Variants in PRR19 observed in about 807,000 individuals in gnomAD.
PRR19 encodes proline rich 19, also known as proline-rich protein 19.
A neutral mutation model predicts 19.2 loss-of-function variants in PRR19; 9 were observed. The observed-to-expected ratio is 0.47, with a 90% confidence interval of 0.28 to 0.82. PRR19 has a LOEUF of 0.82. PRR19 is among the 40% of genes least tolerant of loss of function. The pLI, the probability that PRR19 is intolerant of heterozygous loss-of-function variation, is 0.11. For synonymous variants in PRR19, 190 were observed against 191.0 expected (o/e 0.99, Z 0.04); for missense variants, 457 against 466.0 (o/e 0.98, Z 0.18).
chr19:42,307,826 C>T (rs1361116044), intron 1 of PRR19, among the ~76,000 whole-genome samples: 2 of 141,006 alleles, frequency 1.4e-5, no homozygotes, highest in East Asian at 2.1e-4. Context: ...GGCGCGATCT[C>T]GGCCCACTGC....
intron 1 of PRR19, 158 bp downstream of exon 1, chr19:42,302,661 G>T: frequency 3.2e-6 from 1 of 309,818 alleles, no homozygotes; most frequent in Non-Finnish European, 6.1e-6. Flanking sequence ...GGGGAGGAGG[G>T]AGAAACCACC....
chr19:42,304,130 A>G (rs546374406), intron 1 of PRR19, among the ~76,000 whole-genome samples: 24 of 150,292 alleles, frequency 1.6e-4, no homozygotes, highest in Non-Finnish European at 2.8e-4. Flanking sequence ...AAAAAAAAAA[A>G]TTAGCTAGGC....
rs367760376 is a variant in PRR19, at chr19:42,310,689, A to C, written c.1020A>C (p.Val340=). 3.8e-6 allele frequency: 6 copies of C among 1,595,312 alleles called. No homozygotes were observed. The East Asian group carries it at 1.1e-4, about 30-fold the overall frequency. ...PSPLPSLSWV[V]AQSSPEAWSF... is the part of the protein sequence containing the mutation. Reference sequence around the variant, plus strand: ...CACTGCCCAGCCTCTCCTGGGTAGTAGCCCAGAGCAGTCCGGAAGCCTGGT... The same window carrying C: ...CACTGCCCAGCCTCTCCTGGGTAGTCGCCCAGAGCAGTCCGGAAGCCTGGT... Residue 340 remains valine, a synonymous_variant, in exon 3 of 3, where the codon GTA becomes GTC. Transcript: ENST00000341747.
At chr19:42,304,556 C>G (rs539129832) in intron 1 of PRR19, among the ~76,000 whole-genome samples, 1 of 151,078 alleles carries the variant, frequency 6.6e-6, no homozygotes, top group African/African-American at 2.4e-5. Flanking sequence ...CGAGACCATC[C>G]TGGCTAACAC....
In PRR19 at chr19:42,302,413, A is replaced by C; in HGVS notation, c.-97A>C. On this transcript the variant is annotated 5_prime_UTR_variant, in exon 1 of 3. Coordinates refer to ENST00000341747, the MANE Select transcript of PRR19 (RefSeq NM_199285.3). ...CCACTCCTACCCCTCGCGGCAACAA[A>C]GGACCGTCCCAACGCTAGCACACCC... 5.6e-6 allele frequency: 6 copies of C among 1,064,680 alleles called. No individual in the cohort carries two copies. The highest frequency in any genetic ancestry group is 8.1e-6 in the Non-Finnish European group (6 of 742,602). The allele number at this position is 1,064,680 out of a possible 1,614,324, so 66.0% of individuals were successfully genotyped here.
In PRR19 at chr19:42,310,442, C is replaced by T. The variant is rs748662554; in HGVS notation, c.773C>T (p.Pro258Leu). Residue 258 changes from proline (P) to leucine (L), a missense_variant, in exon 3 of 3, where the codon CCA becomes CTA. Physicochemically the swap from Pro to Leu is moderately conservative, Grantham distance 98 (BLOSUM62 -3). Transcript: ENST00000341747. ...GCGCACAGGGGGAGTCTGGCACCGC[C>T]AAGAGGTCCCTGGCCACCATACTTT... Reference protein sequence around the residue: ...PTAHRGSLAPPRGPWPPYFPS... With the variant: ...PTAHRGSLAPLRGPWPPYFPS... 1 of 1,614,196 alleles carries T rather than the reference C, an allele frequency of 6.2e-7. No individual in the cohort carries two copies. Among genetic ancestry groups the T allele is most frequent in the Non-Finnish European group, 8.5e-7 (1 of 1,180,020 alleles).
At position 42,310,339 on chromosome 19, in the gene PRR19, G is replaced by A. The variant is rs1361860458; in HGVS notation, c.670G>A (p.Glu224Lys). Residue 224 changes from glutamate (E) to lysine (K), a missense_variant, in exon 3 of 3, where the codon GAG (glutamate) becomes AAG (lysine). By Grantham distance (56) the Glu-to-Lys change is moderately conservative. Transcript: ENST00000341747. ...FWINSPDQVP[E>K]QERQRKQQGT... Reference sequence around the variant, plus strand: ...GATTAATAGCCCTGATCAAGTCCCAGAGCAGGAGAGGCAAAGGAAGCAACA... The same window carrying A: ...GATTAATAGCCCTGATCAAGTCCCAAAGCAGGAGAGGCAAAGGAAGCAACA... The A allele has an allele frequency of 6.2e-7, 1 of 1,614,180 alleles. No individual in the cohort carries two copies. Among genetic ancestry groups the A allele is most frequent in the Admixed American group, 1.7e-5 (1 of 60,028 alleles).
intron 1 of PRR19, among the ~76,000 whole-genome samples, chr19:42,303,912 C>G (rs1182924796): frequency 6.6e-6 from 1 of 151,886 alleles, no homozygotes; most frequent in African/African-American, 2.4e-5. Flanking sequence ...GAAGAATGGG[C>G]AAGCAGAAAG....
chr19:42,302,917 T>A (rs2038662788), intron 1 of PRR19: 1 of 149,956 alleles, frequency 6.7e-6, no homozygotes, highest in Non-Finnish European at 1.5e-5. Context: ...GGGGGGACGC[T>A]CCTATTTTCT....
chr19:42,308,351 C>G (rs1486480429), intron 1 of PRR19, among the ~76,000 whole-genome samples: 2 of 151,204 alleles, frequency 1.3e-5, no homozygotes, highest in Non-Finnish European at 2.9e-5. Flanking sequence ...CTCAGCTTCC[C>G]TAGCAGCTGG....
chr19:42,307,520 C>A (rs1041355081), intron 1 of PRR19, among the ~76,000 whole-genome samples: 3 of 151,652 alleles, frequency 2.0e-5, no homozygotes, highest in African/African-American at 4.9e-5. Context: ...ACTGCAACCT[C>A]CGCCTCCCGA....
In PRR19 at chr19:42,310,293, G is replaced by A. The variant is rs752676239; in HGVS notation, c.624G>A (p.Glu208=). 17 of 1,614,106 alleles carry A rather than the reference G, an allele frequency of 1.1e-5. No homozygotes were observed. Among genetic ancestry groups the A allele is most frequent in the Non-Finnish European group, 1.4e-5 (17 of 1,180,006 alleles). Reference sequence around the variant, plus strand: ...CAGGGGCCAAGCCTGGGGTCTCTGAGAGAAAGATGACACCCTTCTGGATTA... The same window carrying A: ...CAGGGGCCAAGCCTGGGGTCTCTGAAAGAAAGATGACACCCTTCTGGATTA... The part of the protein sequence containing the change: ...PLPGAKPGVS[E]RKMTPFWINS... The change falls in exon 3 of 3, where the codon GAG becomes GAA. Residue 208 remains glutamate, a synonymous_variant. Coordinates refer to ENST00000341747, the MANE Select transcript of PRR19 (RefSeq NM_199285.3).
intron 1 of PRR19, 58 bp downstream of exon 1, chr19:42,302,561 G>A (rs1221186580): frequency 6.6e-6 from 3 of 457,550 alleles, no homozygotes; most frequent in Admixed American, 4.0e-5. Context: ...GGGCTCGCCC[G>A]GCGCTTCCCG....
intron 1 of PRR19, among the ~76,000 whole-genome samples, chr19:42,306,117 G>A (rs1351277208): frequency 2.0e-5 from 3 of 152,158 alleles, no homozygotes; most frequent in African/African-American, 7.2e-5. Flanking sequence ...CACCTCCTAG[G>A]CTTAAGTGAT....
Position 42,310,335 on chromosome 19 carries a change from C to T in PRR19, c.666C>T (p.Val222=), listed in dbSNP as rs201526186. ...TCTGGATTAATAGCCCTGATCAAGT[C>T]CCAGAGCAGGAGAGGCAAAGGAAGC... is the stretch of plus-strand genomic sequence containing the variant. The part of the protein sequence containing the change: ...TPFWINSPDQ[V]PEQERQRKQQ... The change falls in exon 3 of 3, where the codon GTC becomes GTT. Residue 222 remains valine (V), a synonymous_variant. Transcript: ENST00000341747. The T allele has an allele frequency of 1.4e-4, 218 of 1,614,150 alleles. 1 individual carries two copies. In the South Asian group the frequency reaches 2.3e-3, roughly 17 times the overall value.
chr19:42,302,759 C>T (rs1181601825), intron 1 of PRR19: 2 of 161,374 alleles, frequency 1.2e-5, no homozygotes, highest in East Asian at 3.6e-4. Context: ...GGGAAGAAAC[C>T]ATTTGCTGTA....
In PRR19 at chr19:42,302,369, G is replaced by C. The variant is rs939456449; in HGVS notation, c.-141G>C. On this transcript the variant is annotated 5_prime_UTR_variant, in exon 1 of 3. Transcript: ENST00000341747. ...GGGTCGGCCCGGGAGTGTTCCGAACGGAGCTGGCTCCGCCACGCCCACTCC... is the reference window on the plus strand; with the variant it reads ...GGGTCGGCCCGGGAGTGTTCCGAACCGAGCTGGCTCCGCCACGCCCACTCC... The C allele has an allele frequency of 2.0e-6, 3 of 1,473,788 alleles. No homozygotes were observed. The highest frequency in any genetic ancestry group is 1.8e-4 in the Middle Eastern group (1 of 5,494). The allele number at this position is 1,473,788 out of a possible 1,614,324, so 91.3% of individuals were successfully genotyped here. A position where few individuals can be genotyped will look rare whatever the true frequency, so the allele number is the denominator to read the frequency against.
chr19:42,303,068 T>G (rs895157664), intron 1 of PRR19, among the ~76,000 whole-genome samples: 2 of 115,542 alleles, frequency 1.7e-5, no homozygotes, highest in South Asian at 3.1e-4. Flanking sequence ...ACCGTGGGTG[T>G]GTGTGTGTGT....
chr19:42,304,157 G>A (rs1035393712), intron 1 of PRR19, among the ~76,000 whole-genome samples: 5 of 151,706 alleles, frequency 3.3e-5, no homozygotes, highest in Non-Finnish European at 2.9e-5. Flanking sequence ...GCACACGCCC[G>A]TAGTCCCAGC....
Sources: gnomAD v4.1 joint callset for allele counts (sites outside exome capture counted in the v4.1 genomes callset) on GRCh38, gnomAD v4.1.1 for gene constraint, MANE v1.5 for transcripts, NCBI Gene and HGNC (gene_info 2026-07-23, HGNC 2026-07-21) for gene names.